Variants in NAV1 observed in about 807,000 individuals in gnomAD.
NAV1 encodes neuron navigator 1.
A neutral mutation model predicts 175.2 loss-of-function variants in NAV1; 18 were observed. The ratio of observed to expected loss-of-function variants is 0.10; its 90% CI spans 0.07 to 0.15. The LOEUF (loss-of-function observed/expected upper bound fraction) is 0.15. NAV1 is among the 10% of genes least tolerant of loss of function. NAV1 has a pLI of 1.00. For synonymous variants in NAV1, 897 were observed against 978.7 expected, an observed-to-expected ratio of 0.92 and a Z score of 1.56; for missense variants, 1,731 against 2,436.6, an observed-to-expected ratio of 0.71 and a Z score of 6.10.
At chr1:201,573,798 A>G (rs1666615500) in intron 1 of NAV1, among the ~76,000 whole-genome samples, 1 of 148,734 alleles carries the variant, frequency 6.7e-6, no homozygotes, top group African/African-American at 2.6e-5. Flanking sequence ...CATTGTGTCC[A>G]AAAAATGCAT....
At chr1:201,665,978 C>G (rs1214793799) in intron 1 of NAV1, among the ~76,000 whole-genome samples, 1 of 151,982 alleles carries the variant, frequency 6.6e-6, no homozygotes, top group Non-Finnish European at 1.5e-5. Flanking sequence ...ATTTTGATTC[C>G]TTGAACTCAC....
intron 1 of NAV1, among the ~76,000 whole-genome samples, chr1:201,669,860 T>G (rs1445406423): frequency 6.6e-6 from 1 of 152,118 alleles, no homozygotes; most frequent in Non-Finnish European, 1.5e-5. Flanking sequence ...AGACAGGGAC[T>G]TGTGGGCCTG....
At chr1:201,602,650 G>GT (rs1553242870) in intron 2 of NAV1, among the ~76,000 whole-genome samples, 36 of 113,514 alleles carry the variant, frequency 3.2e-4, no homozygotes, top group Non-Finnish European at 5.5e-4. Context: ...TTTTTTTTTT[G>GT]GTTTTTTTTT....
At position 201,788,315 on chromosome 1, in the gene NAV1, C is replaced by T. The variant is rs115845815; in HGVS notation, c.2996-153C>T. 0.012 allele frequency among the ~76,000 whole-genome samples: 1,837 copies of T among 152,258 alleles called. 19 individuals are homozygous for T. The highest frequency in any genetic ancestry group is 0.031 in the South Asian group (151 of 4,824). ...ACCACCAGCTGCTTGCACACTCCCACCACCGCACCTGCCCCTTCCTCTCCT... is the reference window on the plus strand; with the variant it reads ...ACCACCAGCTGCTTGCACACTCCCATCACCGCACCTGCCCCTTCCTCTCCT... On this transcript the variant is annotated intron_variant, in intron 9 of 29. Coordinates refer to ENST00000367296, the Ensembl canonical transcript of NAV1. This position sits in a 1 kb window ranked among gnomAD's most constrained non-coding sequence, Gnocchi z 5.7.
At chr1:201,773,933 T>C (rs1048283226) in intron 3 of NAV1, among the ~76,000 whole-genome samples, 4 of 152,238 alleles carry the variant, frequency 2.6e-5, no homozygotes, top group Non-Finnish European at 5.9e-5. Context: ...TGGGGGTAGA[T>C]GAAAATGACA....
chr1:201,698,304 C>T (rs1030257481), intron 1 of NAV1, among the ~76,000 whole-genome samples: 3 of 152,366 alleles, frequency 2.0e-5, no homozygotes, highest in African/African-American at 7.2e-5. Flanking sequence ...GCTCTGGCCC[C>T]CATGCACGGA....
At chr1:201,578,746 T>C (rs1284592910) in intron 1 of NAV1, among the ~76,000 whole-genome samples, 3 of 152,198 alleles carry the variant, frequency 2.0e-5, no homozygotes, top group Non-Finnish European at 4.4e-5. Context: ...AGCACAATTT[T>C]TCCTATGGCG....
At chr1:201,763,567 CAA>C (rs1674996985) in intron 3 of NAV1, among the ~76,000 whole-genome samples, 1 of 152,152 alleles carries the variant, frequency 6.6e-6, no homozygotes, top group African/African-American at 2.4e-5. Flanking sequence ...AGAGAAAACT[CAA>C]ACAAATTGTG....
At chr1:201,642,511 C>CTCTTTCTTTCCTTCTTTCTT (rs1668802613) in intron 2 of NAV1, among the ~76,000 whole-genome samples, 1 of 45,552 alleles carries the variant, frequency 2.2e-5, no homozygotes, top group South Asian at 6.7e-4. Flanking sequence ...CGCACCCGGC[C>CTCTTTCTTTCCTTCTTTCTT]TCTTTCTTTC....
intron 4 of NAV1, among the ~76,000 whole-genome samples, 186 bp from the exon 9 acceptor site, chr1:201,780,826 A>G (rs539567411): frequency 6.6e-6 from 1 of 152,174 alleles, no homozygotes; most frequent in East Asian, 1.9e-4. Context: ...CCAACTGGAG[A>G]AAAAGAAACC....
At chr1:201,640,941 A>G (rs674591) in intron 2 of NAV1, among the ~76,000 whole-genome samples, 148,438 of 152,314 alleles carry the variant, frequency 0.97, 72,372 homozygotes, top group East Asian at 1. Context: ...AAGCACCAAT[A>G]GGTGAATGAC....
chr1:201,724,796 T>G (rs1324053871), intron 3 of NAV1: 2 of 152,780 alleles, frequency 1.3e-5, no homozygotes. Flanking sequence ...TGGCTGGATG[T>G]TCCAGTCTTC....
In NAV1 at chr1:201,662,493, T is replaced by C. The variant is rs576459516; in HGVS notation, c.757+13068T>C. ...CTGAGTCCCTGACTGCCTGGGGCGATAGAAGGAGCACCAGCTTTGGAGTCA... is the reference window on the plus strand; with the variant it reads ...CTGAGTCCCTGACTGCCTGGGGCGACAGAAGGAGCACCAGCTTTGGAGTCA... On this transcript the variant is annotated intron_variant, in intron 1 of 29. Coordinates refer to ENST00000367296, the Ensembl canonical transcript of NAV1. Among the ~76,000 whole-genome samples the C allele has an allele frequency of 5.0e-3, 755 of 152,304 alleles. 16 individuals are homozygous for C. Among genetic ancestry groups the C allele is most frequent in the African/African-American group, 0.017 (725 of 41,556 alleles).
chr1:201,579,557 T>C (rs1449713294), intron 1 of NAV1, among the ~76,000 whole-genome samples: 1 of 152,156 alleles, frequency 6.6e-6, no homozygotes, highest in Admixed American at 6.5e-5. Context: ...AGTTTCACCA[T>C]GTTGGCCAGG....
At chr1:201,762,949 C>T (rs184867936) in intron 3 of NAV1, among the ~76,000 whole-genome samples, 4 of 151,988 alleles carry the variant, frequency 2.6e-5, no homozygotes, top group African/African-American at 9.7e-5. Flanking sequence ...TTCCAAAAAT[C>T]CTTAAAATGG....
At chr1:201,800,817 CT>C (rs61404613) in intron 15 of NAV1, among the ~76,000 whole-genome samples, 29,832 of 88,680 alleles carry the variant, frequency 0.34, 4,060 homozygotes, top group African/African-American at 0.47. Flanking sequence ...CTTGGTGTAT[CT>C]TTTTTTTTTT....
At chr1:201,562,387 G>A (rs997745279) in intron 1 of NAV1, among the ~76,000 whole-genome samples, 5 of 152,104 alleles carry the variant, frequency 3.3e-5, no homozygotes, top group Non-Finnish European at 4.4e-5. Context: ...AAGCATTTCC[G>A]AAGTGGAGAC....
chr1:201,548,946 T>C (rs960145284), intron 1 of NAV1, among the ~76,000 whole-genome samples: 3 of 152,170 alleles, frequency 2.0e-5, no homozygotes, highest in Non-Finnish European at 4.4e-5. Context: ...ATTTGGACAA[T>C]AGAATGGAGT....
At chr1:201,640,145 G>C (rs1211369929) in intron 2 of NAV1, among the ~76,000 whole-genome samples, 1 of 152,070 alleles carries the variant, frequency 6.6e-6, no homozygotes, top group African/African-American at 2.4e-5. Flanking sequence ...TAGACAGGAA[G>C]ACAATAAATC....
Sources: allele counts gnomAD v4.1 joint callset (sites outside exome capture counted in the v4.1 genomes callset), GRCh38; gene constraint gnomAD v4.1.1; non-coding constraint Gnocchi (gnomAD v3.1); transcripts MANE v1.5; gene names NCBI Gene and HGNC (gene_info 2026-07-23, HGNC 2026-07-21).